IQCM: variants seen among roughly 807,000 people sequenced by gnomAD.
The protein encoded by IQCM is IQ domain-containing protein M.
A neutral mutation model predicts 57.6 loss-of-function variants in IQCM; 45 were observed. The ratio of observed to expected loss-of-function variants is 0.78; its 90% CI spans 0.62 to 1.00. The LOEUF is 1.00. IQCM is among the 50% of genes least tolerant of loss of function. The pLI, the probability that IQCM is intolerant of heterozygous loss-of-function variation, is 0.00. For missense variants in IQCM, 468 were observed against 511.6 expected (o/e 0.91, Z 0.82); for synonymous variants, 148 against 158.9 (o/e 0.93, Z 0.51).
chr4:149,454,416 T>C (rs1453969925), intron 12 of IQCM, among the ~76,000 whole-genome samples: 3 of 151,620 alleles, frequency 2.0e-5, no homozygotes, highest in Non-Finnish European at 2.9e-5. Flanking sequence ...GAGCTGAACA[T>C]TGAGTACACA....
At chr4:149,749,206 C>CA (rs1768206409) in intron 2 of IQCM, among the ~76,000 whole-genome samples, 2 of 152,104 alleles carry the variant, frequency 1.3e-5, no homozygotes, top group Admixed American at 1.3e-4. Flanking sequence ...CTCAGACTCC[C>CA]AACAGAAAGG....
At position 149,778,099 on chromosome 4, in the gene IQCM, G is replaced by A. The variant is rs143733968; in HGVS notation, c.-48-35360C>T. Among the ~76,000 whole-genome samples, 417 of 152,304 alleles carry A rather than the reference G, an allele frequency of 2.7e-3. 3 individuals carry two copies. Among genetic ancestry groups the A allele is most frequent in the African/African-American group, 9.6e-3 (401 of 41,566 alleles). ...ACAGTTAAATTAAAATGAATTGGCC[G>A]GGCGCGGTGGCTCACGCCTGTAATC... On this transcript the variant is annotated intron_variant, in intron 2 of 13. Coordinates refer to ENST00000636793, the MANE Select transcript of IQCM (RefSeq NM_001363507.2).
rs546070205 is a variant in IQCM, at chr4:149,751,368, G to A, written c.-48-8629C>T. The stretch of plus-strand genomic sequence containing the variant: ...CTAACAGAGACAGTATGACGTCATG[G>A]TGAAGAGCACAGACTTGCTCAGATG... On this transcript the variant is annotated intron_variant, in intron 2 of 13. Transcript: ENST00000636793. 4.6e-5 allele frequency among the ~76,000 whole-genome samples: 7 copies of A among 152,250 alleles called. No homozygotes were observed. The East Asian group carries it at 1.4e-3, about 29-fold the overall frequency.
intron 12 of IQCM, among the ~76,000 whole-genome samples, chr4:149,515,071 C>CGTGTGT (rs58534209): frequency 0.13 from 18,817 of 142,616 alleles, 1,320 homozygotes; most frequent in Middle Eastern, 0.16. Context: ...TATATATACA[C>CGTGTGT]GTGTGTGTGT....
chr4:149,728,883 A>G (rs1051092040), intron 5 of IQCM, among the ~76,000 whole-genome samples: 9 of 151,990 alleles, frequency 5.9e-5, no homozygotes, highest in Admixed American at 1.3e-4. Flanking sequence ...AGAGAGCAGG[A>G]CCTCCAGCTG....
rs545268736 is a variant in IQCM, at chr4:149,450,573, G to T, written c.1229-17016C>A. 2.4e-4 allele frequency among the ~76,000 whole-genome samples: 37 copies of T among 151,788 alleles called. 1 individual carries two copies. Among genetic ancestry groups the T allele is most frequent in the African/African-American group, 8.7e-4 (36 of 41,474 alleles). ...AAGATTTGAATAGATATTTCTCAAA[G>T]GAGACATATAAAAGGCAAACAGGCA... On this transcript the variant is annotated intron_variant, in intron 12 of 13. Coordinates refer to ENST00000636793, the MANE Select transcript of IQCM (RefSeq NM_001363507.2).
intron 7 of IQCM, among the ~76,000 whole-genome samples, chr4:149,632,584 A>G (rs1270383601): frequency 3.3e-5 from 5 of 150,196 alleles, no homozygotes; most frequent in East Asian, 3.9e-4. Context: ...TCAAAAGAGG[A>G]AAAAAAAAGA....
chr4:149,382,998 A>T (rs1423413504), intron 13 of IQCM, among the ~76,000 whole-genome samples: 2 of 151,800 alleles, frequency 1.3e-5, no homozygotes, highest in Non-Finnish European at 2.9e-5. Flanking sequence ...TCAGCAAAAA[A>T]AAAAAAAAAA....
chr4:149,704,140 T>G (rs1763980388), intron 5 of IQCM, among the ~76,000 whole-genome samples: 1 of 150,510 alleles, frequency 6.6e-6, no homozygotes, highest in South Asian at 2.1e-4. Context: ...ATTATTTATC[T>G]TATTATAAAC....
At chr4:149,381,396 G>A (rs918484831) in intron 13 of IQCM, among the ~76,000 whole-genome samples, 5 of 151,992 alleles carry the variant, frequency 3.3e-5, no homozygotes, top group African/African-American at 7.2e-5. Flanking sequence ...CAGGCTAAAC[G>A]CCAAAAATCT....
At chr4:149,459,734 G>T (rs908537911) in intron 12 of IQCM, among the ~76,000 whole-genome samples, 9 of 152,038 alleles carry the variant, frequency 5.9e-5, no homozygotes, top group African/African-American at 2.2e-4. Flanking sequence ...ATGTCCTCAA[G>T]ATTAATTTAT....
chr4:149,445,377 G>A (rs1009873710), intron 12 of IQCM, among the ~76,000 whole-genome samples: 7 of 151,810 alleles, frequency 4.6e-5, no homozygotes, highest in East Asian at 1.9e-4. Context: ...AAACATATAC[G>A]TAGTTATTTC....
At chr4:149,559,364 A>G (rs1309853949) in intron 10 of IQCM, among the ~76,000 whole-genome samples, 1 of 152,150 alleles carries the variant, frequency 6.6e-6, no homozygotes, top group Non-Finnish European at 1.5e-5. Context: ...TCCTACCTTC[A>G]GCTTCCTTTA....
intron 2 of IQCM, among the ~76,000 whole-genome samples, chr4:149,758,038 A>C (rs914106382): frequency 6.6e-6 from 1 of 152,202 alleles, no homozygotes; most frequent in African/African-American, 2.4e-5. Flanking sequence ...AGCTACAGTA[A>C]TCAGGACAAT....
chr4:149,771,378 C>T (rs1191548582), intron 2 of IQCM, among the ~76,000 whole-genome samples: 1 of 151,974 alleles, frequency 6.6e-6, no homozygotes, highest in Non-Finnish European at 1.5e-5. Flanking sequence ...CAAAGACGGC[C>T]TTAAAATAGT....
chr4:149,391,834 A>G (rs1190291462), intron 13 of IQCM, among the ~76,000 whole-genome samples: 1 of 152,000 alleles, frequency 6.6e-6, no homozygotes, highest in Admixed American at 6.6e-5. Context: ...TTGGTCAAAT[A>G]ACATATTTTG....
chr4:149,480,175 CTTTT>C (rs1740629440), intron 12 of IQCM, among the ~76,000 whole-genome samples: 1 of 151,730 alleles, frequency 6.6e-6, no homozygotes, highest in Non-Finnish European at 1.5e-5. Context: ...TAGTTTTTTT[CTTTT>C]TAATTTTTGT....
At chr4:149,680,174 A>C (rs1762076097) in intron 7 of IQCM, among the ~76,000 whole-genome samples, 1 of 151,442 alleles carries the variant, frequency 6.6e-6, no homozygotes, top group East Asian at 1.9e-4. Flanking sequence ...TTTTAAAGGA[A>C]AAAAGAACAC....
intron 2 of IQCM, among the ~76,000 whole-genome samples, chr4:149,754,667 T>C (rs1768796681): frequency 6.6e-6 from 1 of 152,190 alleles, no homozygotes; most frequent in Non-Finnish European, 1.5e-5. Context: ...TACCTTCTCT[T>C]ACTTCCTTCT....
Sources: gnomAD v4.1 joint callset for allele counts (sites outside exome capture counted in the v4.1 genomes callset) on GRCh38, gnomAD v4.1.1 for gene constraint, MANE v1.5 for transcripts, NCBI Gene and HGNC (gene_info 2026-07-23, HGNC 2026-07-21) for gene names.